The following TFB2M variants were observed in gnomAD, a reference collection of about 807,000 sequenced individuals.
TFB2M encodes the protein transcription factor B2, mitochondrial, also known as dimethyladenosine transferase 2, mitochondrial.
In TFB2M, 44 loss-of-function variants were observed where a neutral mutation model predicts 41.3. The ratio of observed to expected loss-of-function variants is 1.07; its 90% CI spans 0.84 to 1.37. TFB2M has a LOEUF of 1.37. Ranked by LOEUF, TFB2M falls within the 40% of genes most tolerant of loss-of-function variation. The pLI, the probability that TFB2M is intolerant of heterozygous loss-of-function variation, is 0.00. For synonymous variants in TFB2M, 188 were observed against 176.8 expected, an observed-to-expected ratio of 1.06 and a Z score of -0.50; for missense variants, 496 against 490.2, an observed-to-expected ratio of 1.01 and a Z score of -0.11.
intron 3 of TFB2M, among the ~76,000 whole-genome samples, chr1:246,557,047 G>A (rs1451161400): frequency 6.6e-6 from 1 of 152,066 alleles, no homozygotes; most frequent in East Asian, 1.9e-4. Flanking sequence ...GTCGAAGCGG[G>A]CAGATCACTT....
chr1:246,547,228 C>G (rs1345939960), intron 6 of TFB2M, among the ~76,000 whole-genome samples: 1 of 152,116 alleles, frequency 6.6e-6, no homozygotes, highest in Non-Finnish European at 1.5e-5. Flanking sequence ...GTGATCCACC[C>G]ACCTCGGCCT....
At position 246,554,941 on chromosome 1, in the gene TFB2M, T is replaced by A. The variant is rs192249008; in HGVS notation, c.705+1632A>T. Among the ~76,000 whole-genome samples the A allele has an allele frequency of 4.1e-3, 618 of 152,232 alleles. 3 individuals are homozygous for A. The highest frequency in any genetic ancestry group is 3.8e-3 in the Non-Finnish European group (256 of 68,020). ...AACCCATAGAATGGGAGAAAATATTTGTAAATCATGTATGATAAGAGATTA... is the reference window on the plus strand; with the variant it reads ...AACCCATAGAATGGGAGAAAATATTAGTAAATCATGTATGATAAGAGATTA... On this transcript the variant is annotated intron_variant, in intron 4 of 7. Coordinates refer to ENST00000366514, the MANE Select transcript of TFB2M (RefSeq NM_022366.3).
rs1307400259 is a variant in TFB2M, at chr1:246,565,932, T to A, written c.207A>T (p.Leu69Phe). The A allele has an allele frequency of 6.2e-7, 1 of 1,614,236 alleles. No homozygotes were observed. Among genetic ancestry groups the A allele is most frequent in the South Asian group, 1.1e-5 (1 of 91,088 alleles). ...GATCGGTTACGTAACGCTTAAAGTC[T>A]AAGCTGGCCTTAGACGCCTTCCTTG... ...NPPRKASKAS[L>F]DFKRYVTDRR... Residue 69 changes from leucine to phenylalanine, a missense_variant, in exon 1 of 8, where the codon TTA becomes TTT. Transcript: ENST00000366514.
intron 6 of TFB2M, among the ~76,000 whole-genome samples, chr1:246,547,041 T>C (rs1659042652): frequency 6.8e-6 from 1 of 148,078 alleles, no homozygotes; most frequent in African/African-American, 2.5e-5. Flanking sequence ...TGGAGTGCAA[T>C]GGCATAGTCT....
At position 246,557,591 on chromosome 1, in the gene TFB2M, G is replaced by A. The variant is rs187518066; in HGVS notation, c.403-57C>T. 2.7e-4 allele frequency: 369 copies of A among 1,383,960 alleles called. 1 individual carries two copies. In the African/African-American group the frequency reaches 4.8e-3, roughly 18 times the overall value. The allele number at this position is 1,383,960 out of a possible 1,614,324, so 85.7% of individuals were successfully genotyped here. On this transcript the variant is annotated intron_variant, in intron 2 of 7. Transcript: ENST00000366514. ...TTTTCAGCATTAAGTATACTTTGCA[G>A]CAATTCAAAAAACTCTACTTCAAAA...
intron 4 of TFB2M, among the ~76,000 whole-genome samples, chr1:246,555,396 T>G (rs535269822): frequency 1.3e-5 from 2 of 152,142 alleles, no homozygotes; most frequent in Non-Finnish European, 2.9e-5. Context: ...GAGGCCAGCC[T>G]GAGCAACATG....
intron 2 of TFB2M, 88 bp downstream of exon 2, chr1:246,564,258 A>T: frequency 8.8e-7 from 1 of 1,142,318 alleles, no homozygotes; most frequent in Non-Finnish European, 1.3e-6. Context: ...TATTCTATGT[A>T]AAACACTGTG....
rs773275647 is a variant in TFB2M at position 246,541,160 on chromosome 1, T to G, written c.1062A>C (p.Ile354=). 6.2e-7 allele frequency: 1 copy of G among 1,614,042 alleles called. No individual in the cohort carries two copies. Among genetic ancestry groups the G allele is most frequent in the South Asian group, 1.1e-5 (1 of 91,076 alleles). The part of the protein sequence containing the change: ...PLDARDILMQ[I]GKQEDEKVVN... ...CTACTTTCTCATCCTCCTGTTTTCC[T>G]ATTTGCATCAATATATCTCTCGCAT... Residue 354 remains isoleucine (I), a synonymous_variant, in exon 8 of 8, where the codon ATA becomes ATC. Transcript: ENST00000366514.
chr1:246,544,723 T>G, intron 6 of TFB2M, 42 bp from the exon 7 acceptor site: 1 of 1,550,330 alleles, frequency 6.5e-7, no homozygotes, highest in South Asian at 1.2e-5. Flanking sequence ...CACAAAATAT[T>G]GCCAGAGTAA....
In TFB2M at chr1:246,541,101, A is replaced by G; in HGVS notation, c.1121T>C (p.Phe374Ser). The G allele has an allele frequency of 6.2e-7, 1 of 1,614,196 alleles. No homozygotes were observed. Among genetic ancestry groups the G allele is most frequent in the Non-Finnish European group, 8.5e-7 (1 of 1,180,022 alleles). The stretch of plus-strand genomic sequence containing the variant: ...ATCTTTGGAACGCTCTATAGTTTCA[A>G]AAAGTGTTTTGAAGTCTTGAGGGTG... ...NMHPQDFKTL[F>S]ETIERSKDCA... Residue 374 changes from phenylalanine (F) to serine (S), a missense_variant, in exon 8 of 8, where the codon TTT becomes TCT. Phe to Ser is a radical substitution (Grantham distance 155). Coordinates refer to ENST00000366514, the MANE Select transcript of TFB2M (RefSeq NM_022366.3).
At chr1:246,553,485 C>T (rs1659239891) in intron 4 of TFB2M, among the ~76,000 whole-genome samples, 2 of 152,128 alleles carry the variant, frequency 1.3e-5, no homozygotes, top group South Asian at 2.1e-4. Flanking sequence ...GCCTGAGCAA[C>T]GTGGTAAAAC....
chr1:246,565,733 G>C, intron 1 of TFB2M, 93 bp downstream of exon 1: 2 of 1,351,986 alleles, frequency 1.5e-6, no homozygotes, highest in Non-Finnish European at 2.0e-6. Context: ...CAACAAAAAA[G>C]ACCCCCCAGT....
At position 246,566,135 on chromosome 1, in the gene TFB2M, A is replaced by T. The variant is rs1342664293; in HGVS notation, c.4T>A (p.Trp2Arg). The T allele has an allele frequency of 6.2e-7, 1 of 1,606,868 alleles. No individual in the cohort carries two copies. The highest frequency in any genetic ancestry group is 1.7e-5 in the Admixed American group (1 of 59,782). ...CGAGGAAGCCCGACCACTGGGATCC[A>T]CATGTCCTTGTCTCTCAGGCCCGCT... Reference protein sequence around the residue: MWIPVVGLPRRL... With the variant: MRIPVVGLPRRL... Residue 2 changes from tryptophan (W) to arginine (R), a missense_variant, in exon 1 of 8, where the codon TGG (tryptophan) becomes AGG (arginine). Trp to Arg is a moderately radical substitution (Grantham distance 101). Coordinates refer to ENST00000366514, the MANE Select transcript of TFB2M (RefSeq NM_022366.3).
intron 6 of TFB2M, among the ~76,000 whole-genome samples, chr1:246,546,720 G>A (rs945845943): frequency 9.3e-5 from 14 of 149,910 alleles, no homozygotes; most frequent in African/African-American, 2.9e-4. Flanking sequence ...CATCACCATC[G>A]GATCCAAAGG....
At chr1:246,561,836 C>T (rs1659463909) in intron 2 of TFB2M, among the ~76,000 whole-genome samples, 1 of 152,062 alleles carries the variant, frequency 6.6e-6, no homozygotes. Context: ...GAAACAAAGA[C>T]ATTTTAATAC....
chr1:246,562,301 G>A (rs1659477025), intron 2 of TFB2M, among the ~76,000 whole-genome samples: 1 of 152,212 alleles, frequency 6.6e-6, no homozygotes, highest in Non-Finnish European at 1.5e-5. Flanking sequence ...GAGAATGAGA[G>A]TAAGAGACTG....
At chr1:246,545,417 C>T (rs780519066) in intron 6 of TFB2M, among the ~76,000 whole-genome samples, 4 of 151,442 alleles carry the variant, frequency 2.6e-5, no homozygotes, top group Admixed American at 6.6e-5. Context: ...CCCAGCTACT[C>T]GGGAGGCTGA....
Position 246,548,563 on chromosome 1 carries a change from C to T in TFB2M, c.840G>A (p.Leu280=). ...TTCTTACCCTACGCTTTGGGTTTTCCAGCGGCCCTTTCCGGGTGTATATAT... is the reference window on the plus strand; with the variant it reads ...TTCTTACCCTACGCTTTGGGTTTTCTAGCGGCCCTTTCCGGGTGTATATAT... The part of the protein sequence containing the change: ...SFDIYTRKGP[L]ENPKRRELLD... The change falls in exon 6 of 8, where the codon CTG becomes CTA. Residue 280 remains leucine (L), a synonymous_variant. Coordinates refer to ENST00000366514, the MANE Select transcript of TFB2M (RefSeq NM_022366.3). The T allele has an allele frequency of 1.9e-6, 3 of 1,613,350 alleles. No individual in the cohort carries two copies. The highest frequency in any genetic ancestry group is 2.2e-5 in the South Asian group (2 of 91,036).
chr1:246,563,149 C>G (rs1483691713), intron 2 of TFB2M, among the ~76,000 whole-genome samples: 36 of 151,462 alleles, frequency 2.4e-4, no homozygotes, highest in African/African-American at 8.7e-4. Flanking sequence ...CACTGTTCAA[C>G]AGCTGACACA....
Sources: gnomAD v4.1 joint callset for allele counts (sites outside exome capture counted in the v4.1 genomes callset) on GRCh38, gnomAD v4.1.1 for gene constraint, MANE v1.5 for transcripts, NCBI Gene and HGNC (gene_info 2026-07-23, HGNC 2026-07-21) for gene names.